Variants in NKAIN3 observed in about 807,000 individuals in gnomAD.
The protein encoded by NKAIN3 is sodium/potassium-transporting ATPase subunit beta-1-interacting protein 3.
Under a neutral mutation model 30.2 loss-of-function variants are expected in NKAIN3, and 25 were observed. That is an observed-to-expected ratio of 0.83 (90% CI 0.60 to 1.16). The LOEUF is 1.16. NKAIN3 is among the 50% of genes most tolerant of loss of function. The probability of loss-of-function intolerance (pLI) is 0.00; values close to 1 mark genes in which losing one functional copy is unlikely to be tolerated. For missense variants in NKAIN3, 225 were observed against 254.1 expected, an observed-to-expected ratio of 0.89 and a Z score of 0.78; for synonymous variants, 91 against 89.6, an observed-to-expected ratio of 1.02 and a Z score of -0.09.
chr8:62,594,183 AC>A (rs1810748928), intron 3 of NKAIN3, among the ~76,000 whole-genome samples: 3 of 152,040 alleles, frequency 2.0e-5, no homozygotes, highest in Admixed American at 2.0e-4. Context: ...AATCTATCAA[AC>A]ATAAGAAATA....
intron 6 of NKAIN3, among the ~76,000 whole-genome samples, chr8:62,955,080 C>T (rs1371428230): frequency 6.6e-6 from 1 of 152,150 alleles, no homozygotes; most frequent in Non-Finnish European, 1.5e-5. Context: ...GCTCCCTCAC[C>T]CAGCATATGT....
intron 3 of NKAIN3, among the ~76,000 whole-genome samples, chr8:62,713,532 T>G (rs549675864): frequency 3.9e-5 from 6 of 152,346 alleles, no homozygotes; most frequent in South Asian, 4.1e-4. Context: ...TTCTTATCTA[T>G]CCAACAAACA....
intron 1 of NKAIN3, among the ~76,000 whole-genome samples, chr8:62,444,083 C>T (rs1207111963): frequency 1.3e-5 from 2 of 152,004 alleles, no homozygotes; most frequent in East Asian, 1.9e-4. Flanking sequence ...GTGCTGCCTT[C>T]TAATAAATTT....
At chr8:62,917,064 C>T (rs534298174) in intron 4 of NKAIN3, among the ~76,000 whole-genome samples, 26 of 152,142 alleles carry the variant, frequency 1.7e-4, no homozygotes, top group African/African-American at 5.3e-4. Flanking sequence ...GTCACCTGCC[C>T]TACCAGGAAG....
intron 1 of NKAIN3, among the ~76,000 whole-genome samples, chr8:62,426,528 T>C (rs1405925626): frequency 6.6e-6 from 1 of 151,976 alleles, no homozygotes; most frequent in Non-Finnish European, 1.5e-5. Context: ...CATTTGCCTG[T>C]GGGGATGTTA....
At position 62,983,417 on chromosome 8, in the gene NKAIN3, G is replaced by A. The variant is rs1330326049; in HGVS notation, c.*18010G>A. The A allele has an allele frequency of 6.6e-6, 1 of 152,158 alleles. No homozygotes were observed. The highest frequency in any genetic ancestry group is 6.5e-5 in the Admixed American group (1 of 15,268). 9.4% of individuals were successfully genotyped at this position (152,158 alleles called of 1,614,324 possible). A position where few individuals can be genotyped will look rare whatever the true frequency, so the allele number is the denominator to read the frequency against. On this transcript the variant is annotated 3_prime_UTR_variant, in exon 7 of 7. Transcript: ENST00000623646. ...GCCCCAGCGATCCCAGGATGAAGGAGAGCCCATTTGCAACCCTCTTCTGTC... is the reference window on the plus strand; with the variant it reads ...GCCCCAGCGATCCCAGGATGAAGGAAAGCCCATTTGCAACCCTCTTCTGTC...
In NKAIN3 at chr8:62,741,426, GGCAA is replaced by G. The variant is rs546975057; in HGVS notation, c.274-5494_274-5491del. On this transcript the variant is annotated intron_variant, in intron 3 of 6. Transcript: ENST00000623646. ...AGGAAGGAAGGAAGGAAGGAAGGCA[GGCAA>G]GCAAGCAAGCACACTCCAACCTTCC... 2.2e-3 allele frequency among the ~76,000 whole-genome samples: 271 copies of G among 122,648 alleles called. 2 individuals are homozygous for G. Among genetic ancestry groups the G allele is most frequent in the African/African-American group, 8.7e-3 (254 of 29,216 alleles). The allele number at this position is 122,648 out of a possible 152,430, so 80.5% of individuals were successfully genotyped here.
intron 1 of NKAIN3, among the ~76,000 whole-genome samples, chr8:62,402,582 G>T (rs776172230): frequency 3.3e-5 from 5 of 152,122 alleles, no homozygotes; most frequent in Non-Finnish European, 7.4e-5. Context: ...TTTATAAGAG[G>T]CTTTTCCCTT....
intron 1 of NKAIN3, among the ~76,000 whole-genome samples, chr8:62,447,224 A>C (rs928221105): frequency 1.6e-4 from 25 of 152,066 alleles, no homozygotes; most frequent in African/African-American, 6.0e-4. Context: ...TCCCTTTGAA[A>C]GGCAGTTTAA....
chr8:62,993,792 G>T (rs1804036051), intron 5 of NKAIN3, among the ~76,000 whole-genome samples: 1 of 152,140 alleles, frequency 6.6e-6, no homozygotes, highest in East Asian at 1.9e-4. Flanking sequence ...ATGTTTCTTT[G>T]TGACTTAGAG....
chr8:62,790,573 C>T lies in NKAIN3; in HGVS notation c.471+43444C>T, dbSNP rs1817675469. ...CTTGTGTGTGTGTGTGTGTGTCTGT[C>T]TGTCTGTCTGTGTGTGTGTGTGTGT... On this transcript the variant is annotated intron_variant, in intron 4 of 6. Coordinates refer to ENST00000623646, the MANE Select transcript of NKAIN3 (RefSeq NM_001304533.3). Among the ~76,000 whole-genome samples, 5 of 83,638 alleles carry T rather than the reference C, an allele frequency of 6.0e-5. No individual in the cohort carries two copies. The Admixed American group carries it at 8.3e-4, about 14-fold the overall frequency. The allele number at this position is 83,638 out of a possible 152,430, so 54.9% of individuals were successfully genotyped here.
Position 62,918,509 on chromosome 8 carries a change from CA to C in NKAIN3, c.529del (p.Thr177HisfsTer5), listed in dbSNP as rs751794983. The C allele has an allele frequency of 6.2e-7, 1 of 1,609,094 alleles. No individual in the cohort carries two copies. The highest frequency in any genetic ancestry group is 1.1e-5 in the South Asian group (1 of 90,906). On this transcript the variant is annotated frameshift_variant, in exon 5 of 7. Coordinates refer to ENST00000623646, the MANE Select transcript of NKAIN3 (RefSeq NM_001304533.3). LOFTEE classifies it high-confidence loss of function. ...VISISMEEED[T>X]FDFIGGLDTH... ...TCAGTATTTCCATGGAAGAAGAAGA[CA>C]CATGTAAGTACTGTTTTCTCTCTCC...
At chr8:62,993,227 A>T (rs1162272478) in intron 5 of NKAIN3, among the ~76,000 whole-genome samples, 1 of 152,212 alleles carries the variant, frequency 6.6e-6, no homozygotes, top group Non-Finnish European at 1.5e-5. Flanking sequence ...GAAAAACAGG[A>T]TCTAGCTGTG....
At chr8:62,444,775 A>G (rs1201636237) in intron 1 of NKAIN3, among the ~76,000 whole-genome samples, 1 of 152,146 alleles carries the variant, frequency 6.6e-6, no homozygotes, top group Non-Finnish European at 1.5e-5. Context: ...GTTTATGAAA[A>G]ACCTCCATAC....
At chr8:62,797,251 T>C (rs1817891685) in intron 4 of NKAIN3, among the ~76,000 whole-genome samples, 1 of 152,200 alleles carries the variant, frequency 6.6e-6, no homozygotes, top group South Asian at 2.1e-4. Flanking sequence ...ATAAATGGGC[T>C]CTCTTGTTCA....
chr8:62,356,076 C>G (rs560195140), intron 1 of NKAIN3, among the ~76,000 whole-genome samples: 98 of 152,234 alleles, frequency 6.4e-4, no homozygotes, highest in African/African-American at 2.2e-3. Flanking sequence ...TTTCTTTGCC[C>G]CACTTTCTAT....
At chr8:62,724,575 T>C (rs1311123273) in intron 3 of NKAIN3, among the ~76,000 whole-genome samples, 1 of 152,108 alleles carries the variant, frequency 6.6e-6, no homozygotes, top group Non-Finnish European at 1.5e-5. Flanking sequence ...CTCTATATCC[T>C]AATGAATTCC....
intron 1 of NKAIN3, among the ~76,000 whole-genome samples, chr8:62,343,109 G>A (rs1815805403): frequency 6.6e-6 from 1 of 151,926 alleles, no homozygotes; most frequent in Non-Finnish European, 1.5e-5. Context: ...TAATCCTTCA[G>A]AAATCACTTT....
chr8:62,504,065 G>A (rs894539658), intron 1 of NKAIN3, among the ~76,000 whole-genome samples: 7 of 152,182 alleles, frequency 4.6e-5, no homozygotes, highest in Admixed American at 1.3e-4. Flanking sequence ...GGCGCCAGCC[G>A]GTCCCTCCAT....
Sources: allele counts gnomAD v4.1 joint callset (sites outside exome capture counted in the v4.1 genomes callset), GRCh38; gene constraint gnomAD v4.1.1; transcripts MANE v1.5; gene names NCBI Gene and HGNC (gene_info 2026-07-23, HGNC 2026-07-21).